The following ENDOV variants were observed in gnomAD, a reference collection of about 807,000 sequenced individuals.
ENDOV encodes endonuclease V.
A neutral mutation model predicts 39.4 loss-of-function variants in ENDOV; 37 were observed. The ratio of observed to expected loss-of-function variants is 0.94; its 90% CI spans 0.72 to 1.23. The LOEUF is 1.23. Ranked by LOEUF, ENDOV falls within the 50% of genes most tolerant of loss-of-function variation. ENDOV has a pLI of 0.00. For synonymous variants in ENDOV, 186 were observed against 163.4 expected, an observed-to-expected ratio of 1.14 and a Z score of -1.05; for missense variants, 441 against 375.7, an observed-to-expected ratio of 1.17 and a Z score of -1.44.
chr17:80,415,711 C>A lies in ENDOV; in HGVS notation c.118C>A (p.Pro40Thr). ...GGACACCGAGGCGTGGCAGCGAGAC[C>A]CCGCCTTCTCGGGTCTGCAGAGGGT... ...DRDTEAWQRD[P>T]AFSGLQRVGG... is the part of the protein sequence containing the mutation. The change falls in exon 2 of 10, where the codon CCC (proline) becomes ACC (threonine). Residue 40 changes from proline to threonine, a missense_variant. Physicochemically the swap from Pro to Thr is conservative, Grantham distance 38. Coordinates refer to ENST00000518137, the MANE Select transcript of ENDOV (RefSeq NM_173627.5). 6.2e-7 allele frequency: 1 copy of A among 1,610,714 alleles called. No individual in the cohort carries two copies. The highest frequency in any genetic ancestry group is 1.3e-5 in the African/African-American group (1 of 75,016).
At chr17:80,435,085 T>C (rs1021126872) in intron 9 of ENDOV, among the ~76,000 whole-genome samples, 2 of 151,170 alleles carry the variant, frequency 1.3e-5, no homozygotes, top group Non-Finnish European at 2.9e-5. Context: ...ATTTTAAAAA[T>C]TGGGTTGTCA....
chr17:80,415,618 CCCGA>C, intron 1 of ENDOV, 28 bp from the exon 2 acceptor site: 1 of 1,604,820 alleles, frequency 6.2e-7, no homozygotes, highest in Non-Finnish European at 8.5e-7. Flanking sequence ...GAGGTGTGAC[CCCGA>C]CCAAGTTTGA....
chr17:80,421,264 CGGGG>C lies in ENDOV; in HGVS notation c.229-563_229-560del, dbSNP rs1198410921. Among the ~76,000 whole-genome samples, 270 of 151,918 alleles carry C rather than the reference CGGGG, an allele frequency of 1.8e-3. 3 individuals are homozygous for C. Among genetic ancestry groups the C allele is most frequent in the African/African-American group, 5.1e-4 (21 of 41,354 alleles). On this transcript the variant is annotated intron_variant, in intron 2 of 9. Coordinates refer to ENST00000518137, the MANE Select transcript of ENDOV (RefSeq NM_173627.5). ...GGGGCTCATCCTATGAACTAGATCC[CGGGG>C]AATCTTCCTATGGACCGGGTCCCGG...
chr17:80,435,171 T>TC (rs2083528505), intron 9 of ENDOV, among the ~76,000 whole-genome samples: 1 of 152,182 alleles, frequency 6.6e-6, no homozygotes, highest in African/African-American at 2.4e-5. Flanking sequence ...ACAAATATTT[T>TC]TTCCTGTGGG....
chr17:80,429,521 C>T (rs1412818340), intron 8 of ENDOV, among the ~76,000 whole-genome samples: 2 of 152,196 alleles, frequency 1.3e-5, no homozygotes, highest in Non-Finnish European at 2.9e-5. Context: ...GTTCCCAGGC[C>T]TCCCTAGGCT....
At chr17:80,430,091 C>T (rs373834488) in intron 9 of ENDOV, 36 of 1,535,202 alleles carry the variant, frequency 2.3e-5, no homozygotes, top group Middle Eastern at 1.7e-4. Context: ...CCCAGGGGGA[C>T]GCCGCAGCAC....
intron 7 of ENDOV, among the ~76,000 whole-genome samples, chr17:80,426,977 C>A (rs2082763299): frequency 1.3e-5 from 2 of 152,354 alleles, no homozygotes; most frequent in East Asian, 3.9e-4. Flanking sequence ...CCTGGGGCAG[C>A]CGCAGCACCG....
rs932109770 is a variant in ENDOV at position 80,415,352 on chromosome 17, C to T, written c.56+102C>T. On this transcript the variant is annotated intron_variant, in intron 1 of 9. Transcript: ENST00000518137. ...CTTCAGGCTGTGGAATCGGAGCTGC[C>T]ACCGCCCGAGACTCCAAAGCAAAGC... The T allele has an allele frequency of 2.9e-6, 4 of 1,396,272 alleles. No individual in the cohort carries two copies. In the African/African-American group the frequency reaches 5.7e-5, roughly 20 times the overall value. 86.5% of individuals were successfully genotyped at this position (1,396,272 alleles called of 1,614,324 possible). A position where few individuals can be genotyped will look rare whatever the true frequency, so the allele number is the denominator to read the frequency against.
intron 2 of ENDOV, chr17:80,419,918 G>T (rs2081765196): frequency 2.0e-5 from 10 of 512,538 alleles, no homozygotes; most frequent in Admixed American, 3.3e-5. Context: ...TGAGATTGCT[G>T]GTCATCCAGA....
At position 80,425,050 on chromosome 17, in the gene ENDOV, C is replaced by G. The variant is rs1223292679; in HGVS notation, c.535C>G (p.Arg179Gly). The change falls in exon 6 of 10, where the codon CGA (arginine) becomes GGA (glycine). Residue 179 changes from arginine (R) to glycine (G), a missense_variant. Arg to Gly is a moderately radical substitution (Grantham distance 125, BLOSUM62 -2). Transcript: ENST00000518137. ...HKEKIRLLQT[R>G]GDSFPLLGDS... ...TTTCCAGATCCGACTCCTGCAGACT[C>G]GAGGAGACTCATTCCCTCTGCTGGG... is the stretch of plus-strand genomic sequence containing the variant. 3.1e-6 allele frequency: 5 copies of G among 1,612,396 alleles called. No individual in the cohort carries two copies. Among genetic ancestry groups the G allele is most frequent in the Non-Finnish European group, 3.4e-6 (4 of 1,179,360 alleles).
chr17:80,418,486 A>G (rs1313630610), intron 2 of ENDOV: 2 of 152,200 alleles, frequency 1.3e-5, no homozygotes, highest in Admixed American at 1.3e-4. Context: ...CAACCCCAGC[A>G]CCAAGCAAAG....
chr17:80,436,106 C>T (rs751577412), intron 9 of ENDOV, 27 bp from the exon 10 acceptor site: 1 of 1,608,330 alleles, frequency 6.2e-7, no homozygotes, highest in Non-Finnish European at 8.5e-7. Flanking sequence ...CTTTTTCTTG[C>T]CTCATTGCTC....
At chr17:80,430,330 C>T (rs951511419) in intron 9 of ENDOV, 11 of 1,524,314 alleles carry the variant, frequency 7.2e-6, no homozygotes, top group Admixed American at 4.0e-5. Context: ...ATGGAACTTG[C>T]TTGCTCTTTT....
At position 80,428,316 on chromosome 17, in the gene ENDOV, C is replaced by T. The variant is rs1340568161; in HGVS notation, c.715-280C>T. The stretch of plus-strand genomic sequence containing the variant: ...ACTGGTGGGGAGGAGACCCAGGACC[C>T]CCTCACTCAGCCTGTCCACTCACCA... On this transcript the variant is annotated intron_variant, in intron 7 of 9. Coordinates refer to ENST00000518137, the MANE Select transcript of ENDOV (RefSeq NM_173627.5). 3 of 472,006 alleles carry T rather than the reference C, an allele frequency of 6.4e-6. No homozygotes were observed. In the East Asian group the frequency reaches 1.1e-4, roughly 18 times the overall value. 29.2% of individuals were successfully genotyped at this position (472,006 alleles called of 1,614,324 possible).
intron 7 of ENDOV, among the ~76,000 whole-genome samples, chr17:80,426,788 G>A (rs1043638349): frequency 6.6e-6 from 1 of 152,268 alleles, no homozygotes; most frequent in African/African-American, 2.4e-5. Flanking sequence ...GGACTTGGAT[G>A]GCTGTGAGTT....
At chr17:80,428,288 G>T (rs1568244904) in intron 7 of ENDOV, among the ~76,000 whole-genome samples, 1 of 152,222 alleles carries the variant, frequency 6.6e-6, no homozygotes, top group Non-Finnish European at 1.5e-5. Flanking sequence ...AGCTCCAACT[G>T]CCACTGGTGG....
rs1351883299 is a variant in ENDOV at position 80,423,611 on chromosome 17, C to A, written c.495C>A (p.Asn165Lys). 2 of 1,552,890 alleles carry A rather than the reference C, an allele frequency of 1.3e-6. No individual in the cohort carries two copies. Among genetic ancestry groups the A allele is most frequent in the Non-Finnish European group, 1.7e-6 (2 of 1,148,906 alleles). The change falls in exon 5 of 10, where the codon AAC (asparagine) becomes AAA (lysine). Residue 165 changes from asparagine to lysine, a missense_variant. Transcript: ENST00000518137. ...KKLLQVDGLE[N>K]NALHKEKIRL... The stretch of plus-strand genomic sequence containing the variant: ...TTCTGCAGGTGGATGGGCTGGAGAA[C>A]AACGCCCTGCACAAGGAGAAGGTGA...
intron 2 of ENDOV, chr17:80,416,091 G>A: frequency 3.0e-6 from 1 of 338,440 alleles, no homozygotes; most frequent in South Asian, 2.7e-5. Context: ...TACAAAATTA[G>A]ACGGGTGTGG....
chr17:80,430,358 C>A, intron 9 of ENDOV: 1 of 1,525,866 alleles, frequency 6.6e-7, no homozygotes, highest in Non-Finnish European at 8.8e-7. Context: ...TCTCAGGATT[C>A]ATTTTTTATT....
Sources: gnomAD v4.1 joint callset for allele counts (sites outside exome capture counted in the v4.1 genomes callset) on GRCh38, gnomAD v4.1.1 for gene constraint, MANE v1.5 for transcripts, NCBI Gene and HGNC (gene_info 2026-07-23, HGNC 2026-07-21) for gene names.